NOX1: variants seen among roughly 807,000 people sequenced by gnomAD.
The protein encoded by NOX1 is NADPH oxidase 1.
Under a neutral mutation model 42.5 loss-of-function variants are expected in NOX1, and 34 were observed. The observed-to-expected ratio is 0.80, with a 90% CI of 0.61 to 1.07. NOX1 has a LOEUF of 1.07. Ranked by LOEUF, NOX1 falls within the 50% of genes least tolerant of loss-of-function variation. The pLI, the probability that NOX1 is intolerant of heterozygous loss-of-function variation, is 0.00. For synonymous variants in NOX1, 143 were observed against 152.5 expected (o/e 0.94, Z 0.46); for missense variants, 408 against 427.0 (o/e 0.96, Z 0.39).
At position 100,844,060 on chromosome X, in the gene NOX1, G is replaced by A. The variant is rs1371482849; in HGVS notation, c.1587C>T (p.Phe529=). Reference sequence around the variant, plus strand: ...TTGCCAAAGTCCGAGGGCCACATAAGAAAACTCCCACTACAGACCTGTAGG... The same window carrying A: ...TTGCCAAAGTCCGAGGGCCACATAAAAAAACTCCCACTACAGACCTGTAGG... ...TSHPKSVVGV[F]LCGPRTLAKS... is the part of the protein sequence containing the mutation. Residue 529 remains phenylalanine, a synonymous_variant, in exon 13 of 13, where the codon TTC becomes TTT. Transcript: ENST00000372966. 8.4e-7 allele frequency: 1 copy of A among 1,196,093 alleles called. No individual in the cohort carries two copies. Among genetic ancestry groups the A allele is most frequent in the Admixed American group, 2.3e-5 (1 of 44,264 alleles).
rs747894009 is a variant in NOX1 at position 100,848,732 on chromosome X, A to G, written c.1466T>C (p.Phe489Ser). ...TGTCACGATGTCAGTGGCCTTGTCA[A>G]AGTTTAATGCTGCATGACCAACCTG... ...SNIVGHAALN[F>S]DKATDIVTGL... The change falls in exon 12 of 13, where the codon TTT becomes TCT. Residue 489 changes from phenylalanine to serine, a missense_variant. Coordinates refer to ENST00000372966, the MANE Select transcript of NOX1 (RefSeq NM_007052.5). 5 of 1,211,599 alleles carry G rather than the reference A, an allele frequency of 4.1e-6. No homozygotes were observed. In the Admixed American group the frequency reaches 1.1e-4, roughly 26 times the overall value.
At chrX:100,849,213 T>C (rs2085095866) in intron 11 of NOX1, 67 bp downstream of exon 11, 1 of 1,091,201 alleles carries the variant, frequency 9.2e-7, no homozygotes, top group East Asian at 3.0e-5. Context: ...CTAATCCATA[T>C]GCACTATCCT....
Position 100,843,953 on chromosome X carries a change from C to T in NOX1, c.1694G>A (p.Ter565=), listed in dbSNP as rs762764898. The T allele has an allele frequency of 8.3e-7, 1 of 1,203,234 alleles. No homozygotes were observed. The highest frequency in any genetic ancestry group is 1.8e-5 in the South Asian group (1 of 56,211). The part of the protein sequence containing the change: ...VQFYFNKENF[*] ...GATTACCGTCCTTATTCCTATAACTCAAAAATTTTCTTTGTTGAAGTAGAA... is the reference window on the plus strand; with the variant it reads ...GATTACCGTCCTTATTCCTATAACTTAAAAATTTTCTTTGTTGAAGTAGAA... Residue 565 remains the stop codon, a stop_retained_variant, in exon 13 of 13, where the codon TGA becomes TAA. Transcript: ENST00000372966.
At chrX:100,867,940 C>T (rs2085249988) in intron 2 of NOX1, among the ~76,000 whole-genome samples, 1 of 110,260 alleles carries the variant, frequency 9.1e-6, no homozygotes. Context: ...CACTTATACC[C>T]CCTACATATG....
chrX:100,843,535 C>T lies in NOX1; in HGVS notation c.*417G>A. The T allele has an allele frequency of 1.0e-6, 1 of 980,081 alleles. No individual in the cohort carries two copies. The allele number at this position is 980,081 out of a possible 1,213,427, so 80.8% of individuals were successfully genotyped here. A position where few individuals can be genotyped will look rare whatever the true frequency, so the allele number is the denominator to read the frequency against. The stretch of plus-strand genomic sequence containing the variant: ...CAATAAATTTTTATTTAAAAAGTCA[C>T]CCTACTTAGAAATCTTCTGTGGGGG... On this transcript the variant is annotated 3_prime_UTR_variant, in exon 13 of 13. Coordinates refer to ENST00000372966, the MANE Select transcript of NOX1 (RefSeq NM_007052.5).
At chrX:100,852,097 T>A (rs144362604) in intron 7 of NOX1, among the ~76,000 whole-genome samples, 2,403 of 112,259 alleles carry the variant, frequency 0.021, 71 homozygotes, top group African/African-American at 0.074. Context: ...ACTCAGTACT[T>A]ATCCATCACC....
chrX:100,849,237 G>A lies in NOX1; in HGVS notation c.1443+43C>T, dbSNP rs61420109. On this transcript the variant is annotated intron_variant, in intron 11 of 12. Coordinates refer to ENST00000372966, the MANE Select transcript of NOX1 (RefSeq NM_007052.5). ...ATGCACTATCCTTTGTCTGACATTC[G>A]TCTTATGTTTAGTAGGGGAATTAGT... 9.2e-4 allele frequency: 1,085 copies of A among 1,182,202 alleles called. 5 individuals are homozygous for A. In the African/African-American group the frequency reaches 0.016, roughly 18 times the overall value.
chrX:100,856,024 A>G, intron 7 of NOX1: 1 of 1,094,967 alleles, frequency 9.1e-7, no homozygotes, highest in East Asian at 3.0e-5. Flanking sequence ...CTCTTAGGTG[A>G]TGTTCTTCCG....
intron 2 of NOX1, among the ~76,000 whole-genome samples, chrX:100,867,255 C>T (rs1306509033): frequency 9.0e-6 from 1 of 111,257 alleles, no homozygotes; most frequent in African/African-American, 3.3e-5. Flanking sequence ...CTCCTGACCT[C>T]GTGATCCGCC....
intron 2 of NOX1, 24 bp downstream of exon 2, chrX:100,870,695 A>G (rs1335231207): frequency 2.2e-6 from 2 of 926,206 alleles, no homozygotes; most frequent in Admixed American, 2.3e-5. Flanking sequence ...TAGAGATTCT[A>G]TCCGTGACAA....
intron 7 of NOX1, among the ~76,000 whole-genome samples, chrX:100,853,266 CTTT>C (rs1569445470): frequency 1.3e-3 from 36 of 26,912 alleles, no homozygotes; most frequent in South Asian, 3.3e-3. Flanking sequence ...TCCTTCCTTT[CTTT>C]CTTTCTTTCT....
chrX:100,847,581 G>A (rs1161151231), intron 12 of NOX1, among the ~76,000 whole-genome samples: 1 of 108,446 alleles, frequency 9.2e-6, no homozygotes, highest in African/African-American at 3.4e-5. Flanking sequence ...CCTGACCAAC[G>A]TGGTGAAACA....
At chrX:100,855,206 G>T (rs889043399) in intron 7 of NOX1, 14 of 470,773 alleles carry the variant, frequency 3.0e-5, no homozygotes, top group Non-Finnish European at 5.4e-5. Flanking sequence ...ACTGTGTTTG[G>T]CTGAGTTCAT....
At chrX:100,849,463 G>A (rs1257070907) in intron 10 of NOX1, 37 bp from the exon 11 acceptor site, 1 of 1,173,084 alleles carries the variant, frequency 8.5e-7, no homozygotes, top group Non-Finnish European at 1.1e-6. Flanking sequence ...CTTATTAGGT[G>A]ACCTTAAAAG....
intron 10 of NOX1, 32 bp downstream of exon 10, chrX:100,849,740 G>C: frequency 1.7e-6 from 2 of 1,171,031 alleles, no homozygotes; most frequent in Non-Finnish European, 2.3e-6. Context: ...GTCAGACTCA[G>C]GCCAGAAGAA....
At chrX:100,847,563 G>A (rs1419813119) in intron 12 of NOX1, among the ~76,000 whole-genome samples, 1 of 109,147 alleles carries the variant, frequency 9.2e-6, no homozygotes, top group African/African-American at 3.4e-5. Flanking sequence ...TCAGGAGTTC[G>A]AGATTAGCCT....
chrX:100,853,276 T>TTCTCTCTCTTTC lies in NOX1; in HGVS notation c.805-1952_805-1951insGAAAGAGAGAGA, dbSNP rs1491102219. Reference sequence around the variant, plus strand: ...TTCCTTCCTTCCTTTCTTTCTTTCTTTCTTTCTTTCTTTCTTTCTTTCTTT... The same window carrying TTCTCTCTCTTTC: ...TTCCTTCCTTCCTTTCTTTCTTTCTTTCTCTCTCTTTCTCTTTCTTTCTTTCTTTCTTTCTTT... On this transcript the variant is annotated intron_variant, in intron 7 of 12. Coordinates refer to ENST00000372966, the MANE Select transcript of NOX1 (RefSeq NM_007052.5). Among the ~76,000 whole-genome samples the TTCTCTCTCTTTC allele has an allele frequency of 6.0e-5, 4 of 66,363 alleles. 1 individual carries two copies. Among genetic ancestry groups the TTCTCTCTCTTTC allele is most frequent in the African/African-American group, 1.9e-4 (3 of 15,688 alleles). 57.6% of individuals were successfully genotyped at this position (66,363 alleles called of 115,157 possible). A position where few individuals can be genotyped will look rare whatever the true frequency, so the allele number is the denominator to read the frequency against.
chrX:100,874,091 T>A lies in NOX1; in HGVS notation c.45+4A>T, dbSNP rs1373828349. The A allele has an allele frequency of 1.7e-6, 2 of 1,185,487 alleles. No individual in the cohort carries two copies. Among genetic ancestry groups the A allele is most frequent in the Non-Finnish European group, 2.3e-6 (2 of 874,278 alleles). On this transcript the variant is annotated splice_donor_region_variant and intron_variant, in intron 1 of 12. Coordinates refer to ENST00000372966, the MANE Select transcript of NOX1 (RefSeq NM_007052.5). Reference sequence around the variant, plus strand: ...TAATTAATAGGAAGTCAAACATCACTTACCAGAAACAAAACTGAAAACCAG... The same window carrying A: ...TAATTAATAGGAAGTCAAACATCACATACCAGAAACAAAACTGAAAACCAG...
intron 2 of NOX1, among the ~76,000 whole-genome samples, chrX:100,865,525 T>A (rs1245874286): frequency 8.9e-6 from 1 of 112,735 alleles, no homozygotes; most frequent in Non-Finnish European, 1.9e-5. Context: ...AACTTCTTCC[T>A]CTGCTGCTTA....
Sources: gnomAD v4.1 joint callset for allele counts (sites outside exome capture counted in the v4.1 genomes callset) on GRCh38, gnomAD v4.1.1 for gene constraint, MANE v1.5 for transcripts, NCBI Gene and HGNC (gene_info 2026-07-23, HGNC 2026-07-21) for gene names.